Variants in ZFAT observed in about 807,000 individuals in gnomAD.
ZFAT encodes the protein zinc finger and AT-hook domain containing.
ZFAT carries 64 observed loss-of-function variants against 117.7 expected under a neutral mutation model. That is an observed-to-expected ratio of 0.54 (90% CI 0.44 to 0.67). The LOEUF is 0.67. ZFAT is among the 30% of genes least tolerant of loss of function. The probability of loss-of-function intolerance (pLI) is 0.00; values close to 1 mark genes in which losing one functional copy is unlikely to be tolerated. For missense variants in ZFAT, 1,433 were observed against 1,584.5 expected, an observed-to-expected ratio of 0.90 and a Z score of 1.62; for synonymous variants, 679 against 615.0, an observed-to-expected ratio of 1.10 and a Z score of -1.54.
At chr8:134,694,231 G>A (rs117057396) in intron 1 of ZFAT, among the ~76,000 whole-genome samples, 4,730 of 152,244 alleles carry the variant, frequency 0.031, 131 homozygotes, top group Non-Finnish European at 0.046. Context: ...AAAGGGTGTC[G>A]CTGGGACAAT....
intron 3 of ZFAT, among the ~76,000 whole-genome samples, chr8:134,613,302 T>C (rs1218659714): frequency 1.3e-5 from 2 of 152,182 alleles, no homozygotes; most frequent in Non-Finnish European, 2.9e-5. Context: ...CCTACACTAA[T>C]AAGAAGCAGC....
At chr8:134,626,172 CT>C (rs1175618581) in intron 3 of ZFAT, among the ~76,000 whole-genome samples, 1 of 152,168 alleles carries the variant, frequency 6.6e-6, no homozygotes, top group Non-Finnish European at 1.5e-5. Context: ...AGTGTCAGCC[CT>C]GTTTCTATCT....
At chr8:134,611,807 G>A (rs1828349425) in intron 3 of ZFAT, among the ~76,000 whole-genome samples, 1 of 152,256 alleles carries the variant, frequency 6.6e-6, no homozygotes, top group Non-Finnish European at 1.5e-5. Context: ...AGGTGTCTAA[G>A]CCGGGAAGGG....
At chr8:134,798,662 C>A in the ZFAT span, among the ~76,000 whole-genome samples, 1 of 151,890 alleles carries the variant, frequency 6.6e-6, no homozygotes, top group African/African-American at 2.4e-5. Context: ...CCCACATGAT[C>A]AAAGACCTTA....
chr8:134,596,082 C>T (rs1170447917), intron 7 of ZFAT, among the ~76,000 whole-genome samples: 2 of 152,208 alleles, frequency 1.3e-5, no homozygotes, highest in Admixed American at 6.5e-5. Context: ...GGTGCAAGGT[C>T]TCGCCCCAGG....
the ZFAT span, among the ~76,000 whole-genome samples, chr8:134,734,895 A>G: frequency 6.6e-6 from 1 of 152,290 alleles, no homozygotes; most frequent in Non-Finnish European, 1.5e-5. Context: ...TCCTCTTATC[A>G]GATCTGCATA....
chr8:134,746,895 C>T, the ZFAT span, among the ~76,000 whole-genome samples: 2 of 152,120 alleles, frequency 1.3e-5, no homozygotes, highest in East Asian at 1.9e-4. Context: ...TGCGACATTC[C>T]CTTTATTCAT....
intron 3 of ZFAT, 126 bp from the exon 4 acceptor site, chr8:134,610,781 A>T: frequency 9.3e-7 from 1 of 1,071,570 alleles, no homozygotes; most frequent in East Asian, 2.5e-5. Flanking sequence ...TGCCACGCAG[A>T]CCACGGAATC....
intron 2 of ZFAT, among the ~76,000 whole-genome samples, chr8:134,650,946 C>T (rs1233279681): frequency 6.6e-6 from 1 of 152,222 alleles, no homozygotes; most frequent in Non-Finnish European, 1.5e-5. Context: ...CATCATTAAT[C>T]ATCAAAAATG....
chr8:134,739,287 ATGTGTGTGTG>A, the ZFAT span, among the ~76,000 whole-genome samples: 2,774 of 150,488 alleles, frequency 0.018, 41 homozygotes, highest in South Asian at 0.042. Flanking sequence ...GTGTGTAGAG[ATGTGTGTGTG>A]TGTGTGTGTG....
At chr8:134,721,642 G>T in the ZFAT span, among the ~76,000 whole-genome samples, 1 of 152,184 alleles carries the variant, frequency 6.6e-6, no homozygotes, top group South Asian at 2.1e-4. Flanking sequence ...CTACCTGCTG[G>T]ACTCCTTTCC....
the ZFAT span, among the ~76,000 whole-genome samples, chr8:134,742,610 G>A: frequency 3.9e-5 from 6 of 152,054 alleles, no homozygotes; most frequent in Non-Finnish European, 7.4e-5. Flanking sequence ...ACTCGCATCC[G>A]CCCAGCCCCT....
the ZFAT span, chr8:134,797,246 C>A: frequency 6.6e-6 from 1 of 152,026 alleles, no homozygotes; most frequent in Admixed American, 6.6e-5. Context: ...CGCCCCCCAC[C>A]AAATTTTCAG....
At chr8:134,793,988 T>C in the ZFAT span, 2 of 152,204 alleles carry the variant, frequency 1.3e-5, no homozygotes, top group African/African-American at 4.8e-5. Context: ...GAAGTCAAAA[T>C]GTGTAAGGAA....
intron 3 of ZFAT, among the ~76,000 whole-genome samples, chr8:134,613,027 A>G (rs188845231): frequency 1.1e-4 from 16 of 152,368 alleles, no homozygotes; most frequent in Non-Finnish European, 2.1e-4. Context: ...TGTGGCCTAC[A>G]TACTGGGTGA....
At chr8:134,491,892 G>A (rs539574086) in intron 15 of ZFAT, among the ~76,000 whole-genome samples, 1 of 152,134 alleles carries the variant, frequency 6.6e-6, no homozygotes. Context: ...CCACTGTCCT[G>A]CCAACCACTG....
intron 12 of ZFAT, among the ~76,000 whole-genome samples, chr8:134,526,053 T>C (rs2130511451): frequency 6.6e-6 from 1 of 152,346 alleles, no homozygotes; most frequent in East Asian, 1.9e-4. Context: ...TTTGTTGTTG[T>C]TGTTGTTGTT....
At chr8:134,555,591 T>C (rs1823518055) in intron 11 of ZFAT, among the ~76,000 whole-genome samples, 2 of 151,872 alleles carry the variant, frequency 1.3e-5, no homozygotes, top group South Asian at 4.2e-4. Flanking sequence ...TTTTCACATA[T>C]AATGTCTGGC....
chr8:134,483,989 T>C (rs1394106809), intron 15 of ZFAT, among the ~76,000 whole-genome samples: 3 of 152,174 alleles, frequency 2.0e-5, no homozygotes, highest in African/African-American at 7.2e-5. Flanking sequence ...TGTTCTGCCT[T>C]CTCCTTCTCC....
Sources: allele counts gnomAD v4.1 joint callset (sites outside exome capture counted in the v4.1 genomes callset), GRCh38; gene constraint gnomAD v4.1.1; transcripts MANE v1.5; gene names NCBI Gene and HGNC (gene_info 2026-07-23, HGNC 2026-07-21).